FBXO10: variants seen among roughly 807,000 people sequenced by gnomAD.
FBXO10 encodes the protein F-box only protein 10.
FBXO10 carries 39 observed loss-of-function variants against 80.7 expected under a neutral mutation model. The observed-to-expected ratio is 0.48, with a 90% CI of 0.37 to 0.63. The LOEUF is 0.63. Ranked by LOEUF, FBXO10 falls within the 30% of genes least tolerant of loss-of-function variation. FBXO10 has a pLI of 0.00. For missense variants in FBXO10, 1,025 were observed against 1,269.0 expected, an observed-to-expected ratio of 0.81 and a Z score of 2.92; for synonymous variants, 449 against 489.6, an observed-to-expected ratio of 0.92 and a Z score of 1.09.
At position 37,518,356 on chromosome 9, in the gene FBXO10, A is replaced by T; in HGVS notation, c.2283T>A (p.Thr761=). The T allele has an allele frequency of 6.2e-7, 1 of 1,613,984 alleles. No individual in the cohort carries two copies. Among genetic ancestry groups the T allele is most frequent in the Admixed American group, 1.7e-5 (1 of 60,018 alleles). The change falls in exon 9 of 11, where the codon ACT becomes ACA. Residue 761 remains threonine (T), a synonymous_variant. Transcript: ENST00000432825. ...VIHANGDRGI[T]VAQSSQPTRV... is the part of the protein sequence containing the mutation. Reference sequence around the variant, plus strand: ...GGGTGGGTTGGCTGCTCTGGGCCACAGTAATGCCTCTGTCCCCATTCGCGT... The same window carrying T: ...GGGTGGGTTGGCTGCTCTGGGCCACTGTAATGCCTCTGTCCCCATTCGCGT...
intron 5 of FBXO10, among the ~76,000 whole-genome samples, chr9:37,527,930 A>G (rs761813729): frequency 1.6e-4 from 25 of 152,200 alleles, no homozygotes; most frequent in Non-Finnish European, 2.9e-4. Context: ...TGAACCAGCA[A>G]TTAGGTCTGG....
chr9:37,537,428 C>A lies in FBXO10; in HGVS notation c.1101G>T (p.Glu367Asp). The change falls in exon 3 of 11, where the codon GAG becomes GAT. Residue 367 changes from glutamate to aspartate, a missense_variant. Glu to Asp is a conservative substitution (Grantham distance 45, BLOSUM62 2). Transcript: ENST00000432825. Reference sequence around the variant, plus strand: ...AGGATAGTCTGTACATCAGCTGGTCCTCATCTTCATCCTCACCGCTGGGAC... The same window carrying A: ...AGGATAGTCTGTACATCAGCTGGTCATCATCTTCATCCTCACCGCTGGGAC... ...GLSPSGEDED[E>D]DQLMYRLSYQ... is the part of the protein sequence containing the mutation. 2 of 1,600,822 alleles carry A rather than the reference C, an allele frequency of 1.2e-6. No homozygotes were observed. The highest frequency in any genetic ancestry group is 1.7e-6 in the Non-Finnish European group (2 of 1,173,476).
At chr9:37,556,182 T>C (rs1822329752) in intron 1 of FBXO10, among the ~76,000 whole-genome samples, 1 of 152,246 alleles carries the variant, frequency 6.6e-6, no homozygotes, top group African/African-American at 2.4e-5. Flanking sequence ...ATTGATCTAC[T>C]TGTCAATCCT....
chr9:37,522,053 C>T (rs1014114860), intron 7 of FBXO10, among the ~76,000 whole-genome samples: 1 of 152,208 alleles, frequency 6.6e-6, no homozygotes, highest in Non-Finnish European at 1.5e-5. Context: ...TCGGCTCGTT[C>T]CACACAGTGT....
At chr9:37,535,341 A>T (rs958294528) in intron 3 of FBXO10, among the ~76,000 whole-genome samples, 2 of 147,678 alleles carry the variant, frequency 1.4e-5, no homozygotes, top group Non-Finnish European at 3.0e-5. Flanking sequence ...AGTCGGTGAC[A>T]CTTCTTTTTT....
intron 9 of FBXO10, 110 bp downstream of exon 9, chr9:37,518,015 C>T (rs1468694190): frequency 1.8e-5 from 21 of 1,164,248 alleles, no homozygotes. Context: ...GATACTGTCC[C>T]TTGTAGTGCT....
At chr9:37,522,772 G>T in intron 7 of FBXO10, 53 bp downstream of exon 7, 1 of 1,542,996 alleles carries the variant, frequency 6.5e-7, no homozygotes, top group South Asian at 1.2e-5. Flanking sequence ...ACAAGCTGGA[G>T]ATGGAACCTG....
intron 1 of FBXO10, among the ~76,000 whole-genome samples, chr9:37,563,972 A>G (rs1223715618): frequency 1.3e-5 from 2 of 152,256 alleles, no homozygotes; most frequent in Non-Finnish European, 2.9e-5. Flanking sequence ...AGAGAACTTC[A>G]AGGCAGCCCC....
intron 9 of FBXO10, among the ~76,000 whole-genome samples, chr9:37,517,450 T>C (rs1053913722): frequency 7.7e-6 from 1 of 130,312 alleles, no homozygotes; most frequent in Non-Finnish European, 1.5e-5. Flanking sequence ...GAGCTCTGCA[T>C]AGAAAGGTGC....
intron 1 of FBXO10, among the ~76,000 whole-genome samples, chr9:37,545,716 C>G (rs1373645760): frequency 6.6e-6 from 1 of 152,246 alleles, no homozygotes; most frequent in African/African-American, 2.4e-5. Context: ...AAATGGAACT[C>G]TGACTTCCAC....
intron 1 of FBXO10, among the ~76,000 whole-genome samples, chr9:37,569,214 T>C (rs528881852): frequency 3.3e-5 from 5 of 151,750 alleles, no homozygotes; most frequent in Non-Finnish European, 7.4e-5. Context: ...AAAAAATACC[T>C]TGTGTAGATT....
intron 8 of FBXO10, among the ~76,000 whole-genome samples, chr9:37,518,804 G>A (rs1017152007): frequency 2.0e-5 from 3 of 152,094 alleles, no homozygotes; most frequent in African/African-American, 7.2e-5. Flanking sequence ...CCGCCTCAAG[G>A]CTGCTCACTC....
Position 37,521,802 on chromosome 9 carries a change from C to A in FBXO10, c.1967G>T (p.Ser656Ile). ...KGCGVWMMSS[S>I]LPHVTSNHVS... The stretch of plus-strand genomic sequence containing the variant: ...GTGGTTGCTGGTGACATGGGGGAGG[C>A]TGGACGACATCATCCACACACCACA... Residue 656 changes from serine to isoleucine, a missense_variant, in exon 8 of 11, where the codon AGC becomes ATC. By Grantham distance (142) the Ser-to-Ile change is moderately radical. Around this residue, in one of 3 missense-constraint regions of FBXO10, gnomAD observed 478 missense variants for 667.8 expected, o/e 0.72. Transcript: ENST00000432825. The A allele has an allele frequency of 1.2e-6, 2 of 1,603,616 alleles. No homozygotes were observed. The highest frequency in any genetic ancestry group is 1.7e-6 in the Non-Finnish European group (2 of 1,177,962).
intron 3 of FBXO10, 138 bp downstream of exon 3, chr9:37,536,972 A>G: frequency 1.5e-6 from 1 of 650,458 alleles, no homozygotes; most frequent in Non-Finnish European, 2.5e-6. Flanking sequence ...TCCTTTCCAA[A>G]TCAGATGATG....
At chr9:37,514,634 G>A (rs1821138824) in intron 10 of FBXO10, among the ~76,000 whole-genome samples, 2 of 152,044 alleles carry the variant, frequency 1.3e-5, no homozygotes, top group South Asian at 2.1e-4. Flanking sequence ...TCAGGAGTTC[G>A]AGACCAGCCT....
chr9:37,544,665 G>C (rs1323126348), intron 1 of FBXO10, among the ~76,000 whole-genome samples: 1 of 152,144 alleles, frequency 6.6e-6, no homozygotes, highest in Non-Finnish European at 1.5e-5. Flanking sequence ...CAGATGAGTA[G>C]GTTCTTCTCT....
intron 10 of FBXO10, among the ~76,000 whole-genome samples, chr9:37,513,474 T>G (rs369414293): frequency 5.3e-5 from 8 of 152,284 alleles, no homozygotes; most frequent in Admixed American, 2.0e-4. Flanking sequence ...ACGCCTTACA[T>G]GCAACACCAT....
intron 1 of FBXO10, among the ~76,000 whole-genome samples, chr9:37,553,687 C>T (rs1174783850): frequency 6.6e-6 from 1 of 151,076 alleles, no homozygotes; most frequent in Non-Finnish European, 1.5e-5. Context: ...GGGCAGATCA[C>T]CAGAGGTCGG....
intron 1 of FBXO10, among the ~76,000 whole-genome samples, chr9:37,568,773 G>A (rs150406584): frequency 1.3e-4 from 20 of 152,232 alleles, no homozygotes; most frequent in African/African-American, 2.6e-4. Flanking sequence ...GTCTAAGGTC[G>A]CTGTACTGTC....
Sources: allele counts gnomAD v4.1 joint callset (sites outside exome capture counted in the v4.1 genomes callset), GRCh38; gene constraint gnomAD v4.1.1; regional missense constraint gnomAD v4.1.1; transcripts MANE v1.5; gene names NCBI Gene and HGNC (gene_info 2026-07-23, HGNC 2026-07-21).